CISD2: variants seen among roughly 807,000 people sequenced by gnomAD.
The protein encoded by CISD2 is CDGSH iron sulfur domain 2.
A neutral mutation model predicts 12.9 loss-of-function variants in CISD2; 1 was observed. The observed-to-expected ratio is 0.08, with a 90% CI of 0.03 to 0.37. The LOEUF (loss-of-function observed/expected upper bound fraction) is 0.37. Among genes scored for constraint, CISD2 ranks in the 10% least tolerant of loss-of-function variants. CISD2 has a pLI of 0.99. For synonymous variants in CISD2, 50 were observed against 60.6 expected, an observed-to-expected ratio of 0.83 and a Z score of 0.81; for missense variants, 97 against 163.1, an observed-to-expected ratio of 0.59 and a Z score of 2.21.
In CISD2 at chr4:102,887,633, A is replaced by C. The variant is rs1733998451; in HGVS notation, c.*203A>C. On this transcript the variant is annotated 3_prime_UTR_variant, in exon 3 of 3. Coordinates refer to ENST00000273986, the MANE Select transcript of CISD2 (RefSeq NM_001008388.5). ...TATTCTGACTTCAAAGAATTAATGT[A>C]TCTTCCAACAATAAAATCACTTCTG... The C allele has an allele frequency of 3.6e-5, 15 of 413,534 alleles. No individual in the cohort carries two copies. In the South Asian group the frequency reaches 5.5e-4, roughly 15 times the overall value. The allele number at this position is 413,534 out of a possible 1,614,324, so 25.6% of individuals were successfully genotyped here. A position where few individuals can be genotyped will look rare whatever the true frequency, so the allele number is the denominator to read the frequency against.
At chr4:102,877,598 C>T (rs1422850793) in intron 1 of CISD2, among the ~76,000 whole-genome samples, 1 of 152,232 alleles carries the variant, frequency 6.6e-6, no homozygotes, top group African/African-American at 2.4e-5. Flanking sequence ...ATGGCTCTGC[C>T]AGGCAGTGAC....
chr4:102,888,878 T>C lies in CISD2; in HGVS notation c.*1448T>C, dbSNP rs940096190. 2 of 152,270 alleles carry C rather than the reference T, an allele frequency of 1.3e-5. No individual in the cohort carries two copies. Among genetic ancestry groups the C allele is most frequent in the African/African-American group, 2.4e-5 (1 of 41,474 alleles). 9.4% of individuals were successfully genotyped at this position (152,270 alleles called of 1,614,324 possible). ...GCTAGGCACTCTGGAAACTGCTTAG[T>C]TGAGAAAAGACAAATACAAAAGCTT... On this transcript the variant is annotated 3_prime_UTR_variant, in exon 3 of 3. Transcript: ENST00000273986.
rs1456382934 is a variant in CISD2, at chr4:102,888,799, G to T, written c.*1369G>T. On this transcript the variant is annotated 3_prime_UTR_variant, in exon 3 of 3. Coordinates refer to ENST00000273986, the MANE Select transcript of CISD2 (RefSeq NM_001008388.5). ...CTGGGCTCTGTAGGGAATCCTTTCT[G>T]TTGTAAAAGAGTTACCATTTAACTC... is the stretch of plus-strand genomic sequence containing the variant. 6.6e-6 allele frequency: 1 copy of T among 152,200 alleles called. No individual in the cohort carries two copies. Among genetic ancestry groups the T allele is most frequent in the Non-Finnish European group, 1.5e-5 (1 of 68,040 alleles). 9.4% of individuals were successfully genotyped at this position (152,200 alleles called of 1,614,324 possible).
At chr4:102,870,299 C>CT (rs1264559128) in intron 1 of CISD2, among the ~76,000 whole-genome samples, 21 of 151,934 alleles carry the variant, frequency 1.4e-4, no homozygotes, top group African/African-American at 4.6e-4. Context: ...GAATTTCAGT[C>CT]TAAGGAAGAT....
At chr4:102,880,865 G>A (rs759743706) in intron 1 of CISD2, among the ~76,000 whole-genome samples, 10 of 151,500 alleles carry the variant, frequency 6.6e-5, no homozygotes, top group South Asian at 4.2e-4. Flanking sequence ...GGTGGCGTGC[G>A]CCTATAATCC....
At chr4:102,886,241 C>T (rs1465780322) in intron 2 of CISD2, among the ~76,000 whole-genome samples, 1 of 152,110 alleles carries the variant, frequency 6.6e-6, no homozygotes, top group Non-Finnish European at 1.5e-5. Flanking sequence ...GTAATCCCAG[C>T]ACTTTGGGAG....
chr4:102,877,543 G>A (rs1733619017), intron 1 of CISD2, among the ~76,000 whole-genome samples: 1 of 152,218 alleles, frequency 6.6e-6, no homozygotes, highest in Non-Finnish European at 1.5e-5. Context: ...GCAAGCTGTT[G>A]TTAGATATAC....
At chr4:102,882,636 T>C (rs1733752358) in intron 1 of CISD2, 1 of 152,322 alleles carries the variant, frequency 6.6e-6, no homozygotes, top group Non-Finnish European at 1.5e-5. Context: ...AGTAGTCACA[T>C]GTAGCTAGCT....
chr4:102,872,123 C>G (rs1733469778), intron 1 of CISD2, among the ~76,000 whole-genome samples: 1 of 152,196 alleles, frequency 6.6e-6, no homozygotes, highest in Non-Finnish European at 1.5e-5. Context: ...TTTGCCCACA[C>G]TGGAGTGCAG....
chr4:102,882,536 C>CT (rs1372342578), intron 1 of CISD2, among the ~76,000 whole-genome samples: 3 of 152,112 alleles, frequency 2.0e-5, no homozygotes, highest in African/African-American at 7.2e-5. Flanking sequence ...TTGGAGATGG[C>CT]ACCTTATAGA....
Position 102,892,640 on chromosome 4 carries a change from T to C in CISD2, c.*5210T>C, listed in dbSNP as rs968751485. On this transcript the variant is annotated 3_prime_UTR_variant, in exon 3 of 3. Transcript: ENST00000273986. ...AAGTATATTTGTGATACTGTTTTCTTAGAACACTGTTGTCAGATAGATCAG... is the reference window on the plus strand; with the variant it reads ...AAGTATATTTGTGATACTGTTTTCTCAGAACACTGTTGTCAGATAGATCAG... 5.9e-5 allele frequency: 9 copies of C among 152,204 alleles called. No individual in the cohort carries two copies. Among genetic ancestry groups the C allele is most frequent in the African/African-American group, 2.2e-4 (9 of 41,468 alleles). The allele number at this position is 152,204 out of a possible 1,614,324, so 9.4% of individuals were successfully genotyped here. A position where few individuals can be genotyped will look rare whatever the true frequency, so the allele number is the denominator to read the frequency against.
chr4:102,883,051 T>C (rs1176229519), intron 1 of CISD2, among the ~76,000 whole-genome samples: 1 of 152,148 alleles, frequency 6.6e-6, no homozygotes, highest in African/African-American at 2.4e-5. Context: ...CACATGTGTA[T>C]ATTAACCGTG....
chr4:102,880,236 G>A (rs764333076), intron 1 of CISD2, among the ~76,000 whole-genome samples: 3 of 152,134 alleles, frequency 2.0e-5, no homozygotes, highest in Non-Finnish European at 4.4e-5. Flanking sequence ...AAGCCACCAC[G>A]CCCAGCCCCC....
intron 1 of CISD2, among the ~76,000 whole-genome samples, chr4:102,879,863 C>A (rs1048995303): frequency 2.0e-5 from 3 of 152,122 alleles, no homozygotes; most frequent in Non-Finnish European, 2.9e-5. Context: ...TTGAGCCAGA[C>A]GTTATATAGA....
intron 1 of CISD2, among the ~76,000 whole-genome samples, chr4:102,869,874 A>G (rs1733383501): frequency 6.6e-6 from 1 of 152,210 alleles, no homozygotes; most frequent in South Asian, 2.1e-4. Context: ...TTTAGTGAAT[A>G]TATGTAACGT....
chr4:102,873,293 G>T (rs186303358), intron 1 of CISD2, among the ~76,000 whole-genome samples: 3 of 152,142 alleles, frequency 2.0e-5, no homozygotes, highest in African/African-American at 7.2e-5. Context: ...GTGAGAAAGG[G>T]TTTCACTCTG....
chr4:102,882,019 C>A (rs528202508), intron 1 of CISD2, among the ~76,000 whole-genome samples: 1 of 152,106 alleles, frequency 6.6e-6, no homozygotes, highest in African/African-American at 2.4e-5. Flanking sequence ...TGGTGAAACC[C>A]CATCTCTACT....
At chr4:102,874,148 AAAC>A (rs1250636606) in intron 1 of CISD2, among the ~76,000 whole-genome samples, 2 of 152,116 alleles carry the variant, frequency 1.3e-5, no homozygotes, top group Non-Finnish European at 2.9e-5. Flanking sequence ...AAAATTGGCA[AAAC>A]AGAAAAATGA....
intron 1 of CISD2, among the ~76,000 whole-genome samples, chr4:102,880,683 A>G (rs982863148): frequency 8.6e-5 from 13 of 151,496 alleles, no homozygotes; most frequent in Admixed American, 3.3e-4. Context: ...CTCATTAAAA[A>G]AAAAATATAT....
Sources: allele counts gnomAD v4.1 joint callset (sites outside exome capture counted in the v4.1 genomes callset), GRCh38; gene constraint gnomAD v4.1.1; transcripts MANE v1.5; gene names NCBI Gene and HGNC (gene_info 2026-07-23, HGNC 2026-07-21).